MED13L: variants seen among roughly 807,000 people sequenced by gnomAD.
MED13L encodes mediator complex subunit 13L, also known as mediator of RNA polymerase II transcription subunit 13-like.
MED13L carries 7 observed loss-of-function variants against 220.9 expected under a neutral mutation model. That is an observed-to-expected ratio of 0.03 (90% CI 0.02 to 0.06). The LOEUF (loss-of-function observed/expected upper bound fraction) is 0.06. MED13L is among the 10% of genes least tolerant of loss of function. The probability of loss-of-function intolerance (pLI) is 1.00; values close to 1 mark genes in which losing one functional copy is unlikely to be tolerated. For missense variants in MED13L, 1,965 were observed against 2,760.5 expected, an observed-to-expected ratio of 0.71 and a Z score of 6.46; for synonymous variants, 1,011 against 1,015.2, an observed-to-expected ratio of 1.00 and a Z score of 0.08.
At position 116,015,250 on chromosome 12, in the gene MED13L, G is replaced by T. The variant is rs184468423; in HGVS notation, c.1034C>A (p.Ala345Asp). The change falls in exon 8 of 31, where the codon GCT (alanine) becomes GAT (aspartate). Residue 345 changes from alanine (A) to aspartate (D), a missense_variant. Physicochemically the swap from Ala to Asp is moderately radical, Grantham distance 126 (BLOSUM62 -2). Coordinates refer to ENST00000281928, the MANE Select transcript of MED13L (RefSeq NM_015335.5). Reference sequence around the variant, plus strand: ...ATCTTGGGAAACCAGGTGACTGGCAGCACTCTGCATACCTCCACTCTCACC... The same window carrying T: ...ATCTTGGGAAACCAGGTGACTGGCATCACTCTGCATACCTCCACTCTCACC... ...ILGESGGMQSAASHLVSQDGG... is the reference protein window; with the variant it reads ...ILGESGGMQSDASHLVSQDGG... The T allele has an allele frequency of 6.2e-7, 1 of 1,613,812 alleles. No individual in the cohort carries two copies. The highest frequency in any genetic ancestry group is 8.5e-7 in the Non-Finnish European group (1 of 1,179,828).
intron 4 of MED13L, among the ~76,000 whole-genome samples, chr12:116,092,518 G>T (rs1235585563): frequency 6.6e-6 from 1 of 152,120 alleles, no homozygotes; most frequent in South Asian, 2.1e-4. Context: ...AATAAGGAAA[G>T]GAAGGGAAAG....
At chr12:116,096,587 A>G (rs1409612312) in intron 4 of MED13L, 82 bp downstream of exon 4, 3 of 996,816 alleles carry the variant, frequency 3.0e-6, no homozygotes, top group African/African-American at 3.2e-5. Context: ...TAACATTATT[A>G]GGAAATAAAT....
chr12:116,166,347 C>A (rs957490228), intron 2 of MED13L, among the ~76,000 whole-genome samples: 3 of 152,180 alleles, frequency 2.0e-5, no homozygotes, highest in Non-Finnish European at 2.9e-5. Context: ...TGGGCACAAT[C>A]TCATCAGCTT....
At chr12:116,151,236 G>C (rs1297807462) in intron 2 of MED13L, among the ~76,000 whole-genome samples, 5 of 152,140 alleles carry the variant, frequency 3.3e-5, no homozygotes, top group Admixed American at 6.5e-5. Flanking sequence ...GAAAATAAAT[G>C]TGTATAAGAG....
chr12:116,096,119 C>G (rs1186511309), intron 4 of MED13L, among the ~76,000 whole-genome samples: 1 of 151,618 alleles, frequency 6.6e-6, no homozygotes, highest in East Asian at 1.9e-4. Context: ...TTTGAGAGGC[C>G]AAGGTGGGCA....
Position 115,959,664 on chromosome 12 carries a change from AG to A in MED13L, c.*1601del, listed in dbSNP as rs1875637200. ...GATTTTTTATCCTATACATTGCGAA[AG>A]TCAACCCCCCCTTCAACTGGTGGTA... On this transcript the variant is annotated 3_prime_UTR_variant, in exon 31 of 31. Transcript: ENST00000281928. 6.6e-6 allele frequency: 1 copy of A among 152,620 alleles called. No individual in the cohort carries two copies. Among genetic ancestry groups the A allele is most frequent in the Admixed American group, 6.5e-5 (1 of 15,282 alleles). The allele number at this position is 152,620 out of a possible 1,614,324, so 9.5% of individuals were successfully genotyped here.
chr12:116,158,537 T>C (rs1878617226), intron 2 of MED13L, among the ~76,000 whole-genome samples: 1 of 152,160 alleles, frequency 6.6e-6, no homozygotes, highest in Non-Finnish European at 1.5e-5. Flanking sequence ...ATTTAAACAA[T>C]ACATGGTATT....
intron 2 of MED13L, among the ~76,000 whole-genome samples, chr12:116,151,271 A>G (rs1424370259): frequency 6.6e-6 from 1 of 152,222 alleles, no homozygotes; most frequent in Non-Finnish European, 1.5e-5. Context: ...GTCAATTTTC[A>G]TATATAATTG....
At chr12:116,069,817 T>C (rs1413476731) in intron 4 of MED13L, among the ~76,000 whole-genome samples, 1 of 152,144 alleles carries the variant, frequency 6.6e-6, no homozygotes, top group Non-Finnish European at 1.5e-5. Flanking sequence ...AAAAATATTG[T>C]ATAAAACTAC....
At chr12:116,022,070 T>C (rs952628838) in intron 5 of MED13L, among the ~76,000 whole-genome samples, 3 of 152,206 alleles carry the variant, frequency 2.0e-5, no homozygotes, top group East Asian at 1.9e-4. Context: ...TTATCTTCTA[T>C]AAACCATTAC....
At chr12:116,150,285 G>A (rs941469037) in intron 2 of MED13L, among the ~76,000 whole-genome samples, 6 of 152,130 alleles carry the variant, frequency 3.9e-5, no homozygotes, top group Non-Finnish European at 7.4e-5. Context: ...TCTTGTGTCC[G>A]CCTAAGGCCA....
At chr12:116,212,906 C>T in intron 2 of MED13L, among the ~76,000 whole-genome samples, 1 of 152,074 alleles carries the variant, frequency 6.6e-6, no homozygotes, top group Non-Finnish European at 1.5e-5. Context: ...AGTTAATGCT[C>T]AAGGTAACTC....
rs1005060536 is a variant in MED13L, at chr12:115,984,227, T to C, written c.4484A>G (p.Asn1495Ser). 34 of 1,613,862 alleles carry C rather than the reference T, an allele frequency of 2.1e-5. No individual in the cohort carries two copies. The highest frequency in any genetic ancestry group is 1.6e-4 in the Middle Eastern group (1 of 6,084). Residue 1495 changes from asparagine (N) to serine (S), a missense_variant, in exon 20 of 31, where the codon AAT (asparagine) becomes AGT (serine). Asn to Ser is a conservative substitution (Grantham distance 46). Coordinates refer to ENST00000281928, the MANE Select transcript of MED13L (RefSeq NM_015335.5). Reference protein sequence around the residue: ...NQPWSGEENDNHSRLKLYAQV... With the variant: ...NQPWSGEENDSHSRLKLYAQV... ...CGCATAAAGTTTGAGTCTGGAATGA[T>C]TGTCATTCTCCTCGCCGCTCCAAGG...
At chr12:116,195,995 G>A (rs1358391123) in intron 2 of MED13L, among the ~76,000 whole-genome samples, 1 of 152,006 alleles carries the variant, frequency 6.6e-6, no homozygotes, top group Admixed American at 6.6e-5. Context: ...AATTTAACTA[G>A]AAAGTTGCAG....
chr12:116,253,767 T>TG (rs1871790933), intron 1 of MED13L, among the ~76,000 whole-genome samples: 2 of 140,292 alleles, frequency 1.4e-5, no homozygotes, highest in Admixed American at 1.4e-4. Flanking sequence ...TTTTTTTTTT[T>TG]TTTTTTTTTT....
chr12:116,019,578 CATG>C (rs1030918352), intron 6 of MED13L, among the ~76,000 whole-genome samples, 166 bp from the exon 7 acceptor site: 75 of 152,266 alleles, frequency 4.9e-4, no homozygotes, highest in African/African-American at 1.7e-3. Flanking sequence ...TGTGTTCCAA[CATG>C]ATGATAAGAG....
chr12:116,008,845 C>G lies in MED13L; in HGVS notation c.1568G>C (p.Arg523Thr). The change falls in exon 10 of 31, where the codon AGG becomes ACG. Residue 523 changes from arginine (R) to threonine (T), a missense_variant. Coordinates refer to ENST00000281928, the MANE Select transcript of MED13L (RefSeq NM_015335.5). Reference protein sequence around the residue: ...IDSSLEVSSSRKYDKQMAVPS... With the variant: ...IDSSLEVSSSTKYDKQMAVPS... The stretch of plus-strand genomic sequence containing the variant: ...CACGGCCATTTGCTTATCATATTTC[C>G]TACTGCTAGACACCTCTAAGGAGGA... 6.2e-7 allele frequency: 1 copy of G among 1,614,078 alleles called. No individual in the cohort carries two copies. Among genetic ancestry groups the G allele is most frequent in the Non-Finnish European group, 8.5e-7 (1 of 1,179,998 alleles).
chr12:116,129,000 C>T (rs760764679), intron 2 of MED13L, among the ~76,000 whole-genome samples: 78 of 151,924 alleles, frequency 5.1e-4, no homozygotes, highest in Non-Finnish European at 5.2e-4. Flanking sequence ...TTTTTGTGGA[C>T]GTTTTAGTAA....
intron 1 of MED13L, among the ~76,000 whole-genome samples, chr12:116,262,871 C>G (rs1872602789): frequency 6.6e-6 from 1 of 152,158 alleles, no homozygotes; most frequent in Non-Finnish European, 1.5e-5. Flanking sequence ...AAAATATCAT[C>G]TTCATACATA....
Sources: gnomAD v4.1 joint callset for allele counts (sites outside exome capture counted in the v4.1 genomes callset) on GRCh38, gnomAD v4.1.1 for gene constraint, MANE v1.5 for transcripts, NCBI Gene and HGNC (gene_info 2026-07-23, HGNC 2026-07-21) for gene names.